The following ABCA2 variants were observed in gnomAD, a reference collection of about 807,000 sequenced individuals.
The protein encoded by ABCA2 is ATP binding cassette subfamily A member 2.
A neutral mutation model predicts 262.8 loss-of-function variants in ABCA2; 84 were observed. That is an observed-to-expected ratio of 0.32 (90% CI 0.27 to 0.38). ABCA2 has a LOEUF of 0.38. Among genes scored for constraint, ABCA2 ranks in the 10% least tolerant of loss-of-function variants. The pLI is 1.00. For synonymous variants in ABCA2, 1,696 were observed against 1,502.9 expected (o/e 1.13, Z -2.97); for missense variants, 2,662 against 3,405.9 (o/e 0.78, Z 5.44).
chr9:137,019,357 C>G lies in ABCA2; in HGVS notation c.1426-51G>C. 6.3e-7 allele frequency: 1 copy of G among 1,594,048 alleles called. No homozygotes were observed. The highest frequency in any genetic ancestry group is 8.6e-7 in the Non-Finnish European group (1 of 1,167,778). On this transcript the variant is annotated intron_variant, in intron 10 of 48. Coordinates refer to ENST00000341511, the MANE Select transcript of ABCA2 (RefSeq NM_001606.5). The surrounding 1 kb of genome is among the most constrained non-coding windows in gnomAD (Gnocchi z 4.4). The stretch of plus-strand genomic sequence containing the variant: ...GAGTTTCTGGACGGACCCCCACCGA[C>G]TTGGGGGCTCTCACCCCACTCACCT...
intron 17 of ABCA2, 77 bp from the exon 18 acceptor site, chr9:137,017,423 G>C: frequency 6.2e-7 from 1 of 1,600,736 alleles, no homozygotes; most frequent in Non-Finnish European, 8.5e-7. Context: ...CCAGGGTCCA[G>C]GGGGCTCTGA....
chr9:137,012,600 C>T lies in ABCA2; in HGVS notation c.5082-10G>A. 6.2e-7 allele frequency: 1 copy of T among 1,611,408 alleles called. No homozygotes were observed. Among genetic ancestry groups the T allele is most frequent in the Non-Finnish European group, 8.5e-7 (1 of 1,179,726 alleles). ...GGTGATGGCCCCATACCTGGGCAGGCAGGTGGGAGGGGCGGTGAGGCTAGG... is the reference window on the plus strand; with the variant it reads ...GGTGATGGCCCCATACCTGGGCAGGTAGGTGGGAGGGGCGGTGAGGCTAGG... On this transcript the variant is annotated splice_polypyrimidine_tract_variant and intron_variant, in intron 31 of 48. Coordinates refer to ENST00000341511, the MANE Select transcript of ABCA2 (RefSeq NM_001606.5).
Position 137,021,610 on chromosome 9 carries a change from C to T in ABCA2, c.679G>A (p.Glu227Lys), listed in dbSNP as rs1226205798. 5 of 1,551,848 alleles carry T rather than the reference C, an allele frequency of 3.2e-6. No homozygotes were observed. The South Asian group carries it at 3.5e-5, about 11-fold the overall frequency. The stretch of plus-strand genomic sequence containing the variant: ...AGGAGGGCAGGAGCCAGCAGCAGCT[C>T]CTGGGATGGGCACAGGGGTCCGTGG... ...LGGNPLFRME[E>K]LLLAPALLEQ... Residue 227 changes from glutamate to lysine, a missense_variant and splice_region_variant, in exon 8 of 49, where the codon GAG (glutamate) becomes AAG (lysine). Coordinates refer to ENST00000341511, the MANE Select transcript of ABCA2 (RefSeq NM_001606.5). The surrounding 1 kb of genome is among the most constrained non-coding windows in gnomAD (Gnocchi z 6.0).
At chr9:137,009,255 G>GGCCCCCCCC in intron 45 of ABCA2, 115 bp downstream of exon 45, 2 of 364,944 alleles carry the variant, frequency 5.5e-6, no homozygotes, top group Non-Finnish European at 9.4e-6. Flanking sequence ...AGTGCCCCCA[G>GGCCCCCCCC]CCCCCCTGGC....
Position 137,018,847 on chromosome 9 carries a change from T to C in ABCA2, c.1723-32A>G, listed in dbSNP as rs1831356079. 3 of 1,612,312 alleles carry C rather than the reference T, an allele frequency of 1.9e-6. No individual in the cohort carries two copies. The Admixed American group carries it at 5.0e-5, about 27-fold the overall frequency. On this transcript the variant is annotated intron_variant, in intron 12 of 48. Coordinates refer to ENST00000341511, the MANE Select transcript of ABCA2 (RefSeq NM_001606.5). ...GGAGGGGCATCGCTGGAGCCCGCCGTGGGCATGTGCGAGGCAGGGGGTGTC... is the reference window on the plus strand; with the variant it reads ...GGAGGGGCATCGCTGGAGCCCGCCGCGGGCATGTGCGAGGCAGGGGGTGTC...
upstream of ABCA2, among the ~76,000 whole-genome samples, chr9:137,028,476 G>T (rs1347879181): frequency 6.6e-6 from 1 of 151,042 alleles, no homozygotes; most frequent in Non-Finnish European, 1.5e-5. The surrounding 1 kb of genome is among the most constrained non-coding windows in gnomAD (Gnocchi z 6.9). Context: ...GTCACGCGAC[G>T]CGCCCACATC....
In ABCA2 at chr9:137,018,747, G is replaced by A. The variant is rs1332959246; in HGVS notation, c.1791C>T (p.Ala597=). 1 of 1,612,138 alleles carries A rather than the reference G, an allele frequency of 6.2e-7. No individual in the cohort carries two copies. Among genetic ancestry groups the A allele is most frequent in the East Asian group, 2.2e-5 (1 of 44,864 alleles). ...CAAAAACAGTGACGTTGTCCTGGTA[G>A]GCCTGGTTGAGGGTGTAGTTGACAA... ...ESIVNYTLNQ[A]YQDNVTVFAS... is the part of the protein sequence containing the mutation. The change falls in exon 13 of 49, where the codon GCC becomes GCT. Residue 597 remains alanine (A), a synonymous_variant. Transcript: ENST00000341511.
rs1236828034 is a variant in ABCA2, at chr9:137,009,436, G to A, written c.6761C>T (p.Thr2254Met). ...ACCGTTCACCATGATGGCCAGCCGC[G>A]TGCACAGCGCCTCGCACTCCTCCAT... is the stretch of plus-strand genomic sequence containing the variant. ...HSMEECEALC[T>M]RLAIMVNGRL... Residue 2254 changes from threonine to methionine, a missense_variant, in exon 45 of 49, where the codon ACG becomes ATG. Around this residue, in one of 12 missense-constraint regions of ABCA2, gnomAD observed 602 missense variants for 897.4 expected, o/e 0.67. Coordinates refer to ENST00000341511, the MANE Select transcript of ABCA2 (RefSeq NM_001606.5). 1 of 1,597,906 alleles carries A rather than the reference G, an allele frequency of 6.3e-7. No individual in the cohort carries two copies. The highest frequency in any genetic ancestry group is 8.5e-7 in the Non-Finnish European group (1 of 1,172,286).
intron 27 of ABCA2, 28 bp downstream of exon 27, chr9:137,014,140 T>C: frequency 6.3e-7 from 1 of 1,597,988 alleles, no homozygotes; most frequent in Non-Finnish European, 8.5e-7. Context: ...CCTCCCTTGC[T>C]GTCCCAGCCT....
At chr9:137,024,288 C>T in intron 1 of ABCA2, 52 bp from the exon 2 acceptor site, 1 of 1,471,766 alleles carries the variant, frequency 6.8e-7, no homozygotes, top group Non-Finnish European at 9.2e-7. Flanking sequence ...CTCGCCTAGG[C>T]CCTCCCCAGC....
chr9:137,007,402 G>C lies in ABCA2; in HGVS notation c.*527C>G. The C allele has an allele frequency of 6.2e-6, 1 of 161,564 alleles. No individual in the cohort carries two copies. The highest frequency in any genetic ancestry group is 5.8e-5 in the Admixed American group (1 of 17,378). 10.0% of individuals were successfully genotyped at this position (161,564 alleles called of 1,614,324 possible). A position where few individuals can be genotyped will look rare whatever the true frequency, so the allele number is the denominator to read the frequency against. On this transcript the variant is annotated 3_prime_UTR_variant, in exon 49 of 49. Transcript: ENST00000341511. ...CAGCAGGGTCAGCTTCTCCATTCCT[G>C]CCACCTGCCAGCTGGCCCAAGCTGA...
At chr9:137,023,776 G>C in intron 3 of ABCA2, 62 bp downstream of exon 3, 1 of 728,422 alleles carries the variant, frequency 1.4e-6, no homozygotes, top group Non-Finnish European at 2.5e-6. Context: ...AAGCCAGGAC[G>C]GCCCATGGGC....
rs75458945 is a variant in ABCA2 at position 137,014,829 on chromosome 9, G to A, written c.3883-19C>T. ...CCAGGTGCTGCAGGGGCGGTGGAGG[G>A]GGAGGCTGCGGCAGGGACGCCCAGG... On this transcript the variant is annotated intron_variant, in intron 25 of 48. Transcript: ENST00000341511. 3.1e-6 allele frequency: 5 copies of A among 1,593,980 alleles called. No individual in the cohort carries two copies. The highest frequency in any genetic ancestry group is 1.1e-5 in the South Asian group (1 of 88,338).
At chr9:137,027,933 GA>G (rs1243382527) in intron 1 of ABCA2, 141 bp downstream of exon 1, 1 of 233,408 alleles carries the variant, frequency 4.3e-6, no homozygotes, top group African/African-American at 2.4e-5. Flanking sequence ...GCCCGGCGGG[GA>G]GGGGGCTCGG....
At chr9:137,022,330 T>G in intron 6 of ABCA2, 21 bp downstream of exon 6, 2 of 1,582,608 alleles carry the variant, frequency 1.3e-6, no homozygotes, top group South Asian at 2.3e-5. Context: ...TGGCCAGGGC[T>G]GGGAGCTGTC....
upstream of ABCA2, chr9:137,028,786 C>T: frequency 7.7e-7 from 1 of 1,294,148 alleles, no homozygotes; most frequent in Non-Finnish European, 1.0e-6. The surrounding 1 kb of genome is among the most constrained non-coding windows in gnomAD (Gnocchi z 6.9). Flanking sequence ...AGGGGGGAAA[C>T]TCGAGGCCCC....
chr9:137,008,900 G>GCCCCCCCCCCCCCCCAGCGCCCC (rs59031144), intron 46 of ABCA2, 32 bp from the exon 47 acceptor site: 6 of 1,556,284 alleles, frequency 3.9e-6, no homozygotes, highest in Non-Finnish European at 5.2e-6. Flanking sequence ...GCCTGGCAGC[G>GCCCCCCCCCCCCCCCAGCGCCCC]CCCCCCCACC....
At chr9:137,023,885 G>T (rs759947362) in intron 2 of ABCA2, 45 bp from the exon 3 acceptor site, 11 of 965,062 alleles carry the variant, frequency 1.1e-5, no homozygotes, top group East Asian at 7.3e-5. Context: ...GAGGGAGGGG[G>T]ATCAAAACAG....
At position 137,023,858 on chromosome 9, in the gene ABCA2, A is replaced by G. The variant is rs749714627; in HGVS notation, c.161-18T>C. 3 of 856,096 alleles carry G rather than the reference A, an allele frequency of 3.5e-6. No individual in the cohort carries two copies. The highest frequency in any genetic ancestry group is 1.4e-5 in the South Asian group (1 of 72,522). 53.0% of individuals were successfully genotyped at this position (856,096 alleles called of 1,614,324 possible). ...CTTACAGACTGCATGCCAGCCGAGGACAAGAGACCATGCGGGGAGGGAGGG... is the reference window on the plus strand; with the variant it reads ...CTTACAGACTGCATGCCAGCCGAGGGCAAGAGACCATGCGGGGAGGGAGGG... On this transcript the variant is annotated intron_variant, in intron 2 of 48. Transcript: ENST00000341511.
Sources: allele counts gnomAD v4.1 joint callset (sites outside exome capture counted in the v4.1 genomes callset), GRCh38; gene constraint gnomAD v4.1.1; regional missense constraint gnomAD v4.1.1; non-coding constraint Gnocchi (gnomAD v3.1); transcripts MANE v1.5; gene names NCBI Gene and HGNC (gene_info 2026-07-23, HGNC 2026-07-21).